ARHGAP22: variants seen among roughly 807,000 people sequenced by gnomAD.
ARHGAP22 encodes rho GTPase-activating protein 22.
ARHGAP22 carries 48 observed loss-of-function variants against 59.1 expected under a neutral mutation model. The observed-to-expected ratio is 0.81, with a 90% CI of 0.64 to 1.03. The LOEUF (loss-of-function observed/expected upper bound fraction) is 1.03, where lower values mean the gene tolerates loss of function less well. Ranked by LOEUF, ARHGAP22 falls within the 50% of genes least tolerant of loss-of-function variation. The pLI is 0.00. For synonymous variants in ARHGAP22, 445 were observed against 416.4 expected (o/e 1.07, Z -0.84); for missense variants, 1,015 against 958.7 (o/e 1.06, Z -0.78).
intron 1 of ARHGAP22, among the ~76,000 whole-genome samples, chr10:48,590,924 C>G (rs149921790): frequency 0.011 from 1,634 of 152,236 alleles, 13 homozygotes; most frequent in Non-Finnish European, 0.015. Context: ...AGCTAGGGCC[C>G]GGCAGTGAAT....
chr10:48,610,003 T>C (rs1443070729), upstream of ARHGAP22, among the ~76,000 whole-genome samples: 4 of 152,370 alleles, frequency 2.6e-5, no homozygotes, highest in South Asian at 6.2e-4. Flanking sequence ...CTTCCTGCCA[T>C]TGGGCACTTG....
At chr10:48,476,064 C>T (rs1408354907) in intron 4 of ARHGAP22, among the ~76,000 whole-genome samples, 2 of 152,214 alleles carry the variant, frequency 1.3e-5, no homozygotes, top group East Asian at 1.9e-4. Flanking sequence ...CCCACTGTGC[C>T]CACCATCTAA....
intron 5 of ARHGAP22, among the ~76,000 whole-genome samples, chr10:48,457,719 G>A (rs1413188053): frequency 6.6e-6 from 1 of 152,156 alleles, no homozygotes. Context: ...GGCCTGGTGA[G>A]GCTTTAGCAG....
At chr10:48,573,130 G>A (rs1291662167) in intron 2 of ARHGAP22, among the ~76,000 whole-genome samples, 1 of 152,150 alleles carries the variant, frequency 6.6e-6, no homozygotes, top group African/African-American at 2.4e-5. Flanking sequence ...TAAGGCAGAG[G>A]CGAGGTTGGA....
intron 1 of ARHGAP22, among the ~76,000 whole-genome samples, chr10:48,625,430 G>A (rs913825850): frequency 6.6e-6 from 1 of 152,114 alleles, no homozygotes; most frequent in Non-Finnish European, 1.5e-5. Context: ...ATTCAGGTCT[G>A]TAAGGTGCTC....
chr10:48,472,505 C>T (rs944766673), intron 4 of ARHGAP22, among the ~76,000 whole-genome samples: 3 of 152,134 alleles, frequency 2.0e-5, no homozygotes, highest in African/African-American at 7.2e-5. Context: ...GCCTGGGCAA[C>T]AGAGCGAGAC....
At chr10:48,491,630 G>A (rs1697220281) in intron 3 of ARHGAP22, among the ~76,000 whole-genome samples, 1 of 152,282 alleles carries the variant, frequency 6.6e-6, no homozygotes, top group African/African-American at 2.4e-5. Context: ...AGCCTGAGAT[G>A]AATAGGAGGT....
intron 3 of ARHGAP22, among the ~76,000 whole-genome samples, chr10:48,489,730 CTTTTTTTTTT>C (rs377099863): frequency 8.4e-6 from 1 of 119,600 alleles, no homozygotes; most frequent in Non-Finnish European, 1.7e-5. Context: ...GAGGCTGCCT[CTTTTTTTTTT>C]TTTTTTTTTT....
At chr10:48,526,043 C>T (rs184149846) in intron 3 of ARHGAP22, among the ~76,000 whole-genome samples, 2 of 152,276 alleles carry the variant, frequency 1.3e-5, no homozygotes, top group East Asian at 3.9e-4. Context: ...AGGATCTGTT[C>T]CTAACCCTGA....
chr10:48,535,401 G>A (rs963264790), intron 3 of ARHGAP22, among the ~76,000 whole-genome samples: 3 of 152,220 alleles, frequency 2.0e-5, no homozygotes, highest in Non-Finnish European at 2.9e-5. Flanking sequence ...TAGGACCTCA[G>A]TGTCCTCCTC....
At chr10:48,461,879 A>C (rs2047166183) in intron 4 of ARHGAP22, among the ~76,000 whole-genome samples, 2 of 152,192 alleles carry the variant, frequency 1.3e-5, no homozygotes, top group Admixed American at 1.3e-4. Flanking sequence ...GCCAGCTAAA[A>C]GTGGGGCTCC....
intron 5 of ARHGAP22, among the ~76,000 whole-genome samples, chr10:48,456,671 C>T (rs1022558224): frequency 6.6e-6 from 1 of 152,166 alleles, no homozygotes; most frequent in Admixed American, 6.5e-5. Flanking sequence ...GGGAGCATTT[C>T]TGCCCTGGGT....
the ARHGAP22 span, among the ~76,000 whole-genome samples, chr10:48,434,069 C>T: frequency 6.6e-6 from 1 of 152,206 alleles, no homozygotes; most frequent in Non-Finnish European, 1.5e-5. Context: ...CTTCCTAAAC[C>T]AATCCCCTTG....
chr10:48,534,394 C>G (rs552641958), intron 3 of ARHGAP22, among the ~76,000 whole-genome samples: 9 of 152,340 alleles, frequency 5.9e-5, no homozygotes, highest in African/African-American at 2.2e-4. Flanking sequence ...TTTCCTCCCC[C>G]ACCCCCAGGA....
intron 4 of ARHGAP22, among the ~76,000 whole-genome samples, chr10:48,466,027 GA>G (rs2047630263): frequency 6.6e-6 from 1 of 152,116 alleles, no homozygotes; most frequent in Non-Finnish European, 1.5e-5. Flanking sequence ...CGGCACAGCT[GA>G]AAACTCTCCT....
intron 3 of ARHGAP22, among the ~76,000 whole-genome samples, chr10:48,536,741 A>G (rs2055394612): frequency 6.6e-6 from 1 of 152,236 alleles, no homozygotes; most frequent in South Asian, 2.1e-4. Context: ...CACTGCATGT[A>G]GGAACAGCGG....
chr10:48,583,866 C>T (rs576810982), intron 1 of ARHGAP22, among the ~76,000 whole-genome samples: 3 of 152,184 alleles, frequency 2.0e-5, no homozygotes, highest in Non-Finnish European at 4.4e-5. Flanking sequence ...GCACTCCTAC[C>T]CCAGAGCCTC....
chr10:48,504,912 G>A (rs2134425679), intron 3 of ARHGAP22, among the ~76,000 whole-genome samples: 1 of 152,196 alleles, frequency 6.6e-6, no homozygotes, highest in Middle Eastern at 3.4e-3. Context: ...TGAATTGAGA[G>A]GAAATTTGAG....
intron 1 of ARHGAP22, among the ~76,000 whole-genome samples, chr10:48,619,888 A>G (rs2061223499): frequency 6.6e-6 from 1 of 152,244 alleles, no homozygotes; most frequent in Non-Finnish European, 1.5e-5. Flanking sequence ...AAGCGAAGGA[A>G]ACAACCCAAA....
Sources: gnomAD v4.1 joint callset for allele counts (sites outside exome capture counted in the v4.1 genomes callset) on GRCh38, gnomAD v4.1.1 for gene constraint, MANE v1.5 for transcripts, NCBI Gene and HGNC (gene_info 2026-07-23, HGNC 2026-07-21) for gene names.